The following SFPQ variants were observed in gnomAD, a reference collection of about 807,000 sequenced individuals.
SFPQ encodes the protein splicing factor proline and glutamine rich, also known as splicing factor, proline- and glutamine-rich.
Under a neutral mutation model 72.9 loss-of-function variants are expected in SFPQ, and 11 were observed. The observed-to-expected ratio is 0.15, with a 90% CI of 0.09 to 0.25. SFPQ has a LOEUF of 0.25. Ranked by LOEUF, SFPQ falls within the 10% of genes least tolerant of loss-of-function variation. The probability of loss-of-function intolerance (pLI) is 1.00; values close to 1 mark genes in which losing one functional copy is unlikely to be tolerated. For synonymous variants in SFPQ, 506 were observed against 367.3 expected (o/e 1.38, Z -4.32); for missense variants, 847 against 993.3 (o/e 0.85, Z 1.98).
At chr1:35,186,490 G>A (rs909057009) in intron 9 of SFPQ, among the ~76,000 whole-genome samples, 1 of 152,140 alleles carries the variant, frequency 6.6e-6, no homozygotes, top group Non-Finnish European at 1.5e-5. Context: ...GGGAAACGAC[G>A]AGTCAAAACA....
At position 35,189,381 on chromosome 1, in the gene SFPQ, C is replaced by G; in HGVS notation, c.1417G>C (p.Glu473Gln). 6.2e-7 allele frequency: 1 copy of G among 1,611,574 alleles called. No homozygotes were observed. Among genetic ancestry groups the G allele is most frequent in the South Asian group, 1.1e-5 (1 of 90,888 alleles). ...LAQKNPMYQK[E>Q]RETPPRFAQH... The stretch of plus-strand genomic sequence containing the variant: ...GCAAAACGAGGAGGGGTTTCTCTCT[C>G]CCTAACAATACACAAAATTTTAACA... Residue 473 changes from glutamate (E) to glutamine (Q), a missense_variant and splice_region_variant, in exon 5 of 10, where the codon GAG becomes CAG. Around this residue, in one of 6 missense-constraint regions of SFPQ, gnomAD observed 132 missense variants for 255.4 expected, o/e 0.52. Transcript: ENST00000357214.
chr1:35,191,693 A>T (rs187996966), intron 1 of SFPQ, among the ~76,000 whole-genome samples, 164 bp from the exon 2 acceptor site: 64 of 152,352 alleles, frequency 4.2e-4, no homozygotes, highest in African/African-American at 1.5e-3. Context: ...CTATCTTAAC[A>T]TTGAAAAAGG....
chr1:35,192,670 G>C lies in SFPQ; in HGVS notation c.380C>G (p.Ala127Gly). 2 of 1,404,642 alleles carry C rather than the reference G, an allele frequency of 1.4e-6. No homozygotes were observed. Among genetic ancestry groups the C allele is most frequent in the Non-Finnish European group, 1.8e-6 (2 of 1,087,966 alleles). The allele number at this position is 1,404,642 out of a possible 1,614,324, so 87.0% of individuals were successfully genotyped here. A position where few individuals can be genotyped will look rare whatever the true frequency, so the allele number is the denominator to read the frequency against. The change falls in exon 1 of 10, where the codon GCC becomes GGC. Residue 127 changes from alanine to glycine, a missense_variant. Physicochemically the swap from Ala to Gly is moderately conservative, Grantham distance 60. Coordinates refer to ENST00000357214, the MANE Select transcript of SFPQ (RefSeq NM_005066.3). ...PAPGVGSAPP[A>G]SSSAPPATPP... Reference sequence around the variant, plus strand: ...AGTGGCGGGCGGGGCCGAGCTGGAGGCTGGTGGTGCGCTGCCTACTCCGGG... The same window carrying C: ...AGTGGCGGGCGGGGCCGAGCTGGAGCCTGGTGGTGCGCTGCCTACTCCGGG...
downstream of SFPQ, chr1:35,179,888 C>T: frequency 1.9e-6 from 2 of 1,054,820 alleles, no homozygotes; most frequent in African/African-American, 3.3e-5. Context: ...ACACAGGAAA[C>T]CCCATCAGGG....
chr1:35,188,362 C>T (rs1639829087), intron 6 of SFPQ, among the ~76,000 whole-genome samples: 1 of 152,202 alleles, frequency 6.6e-6, no homozygotes, highest in South Asian at 2.1e-4. Context: ...AAACTAAGTA[C>T]ATCTTTTCCC....
chr1:35,188,113 TAACTG>T, intron 6 of SFPQ, 23 bp from the exon 7 acceptor site: 4 of 1,507,336 alleles, frequency 2.7e-6, no homozygotes, highest in Non-Finnish European at 3.7e-6. Flanking sequence ...ATCAGGTACA[TAACTG>T]AAGTGTTATC....
rs71638655 is a variant in SFPQ, at chr1:35,183,104, TAGAAG to T, written c.*1347_*1351del. The T allele has an allele frequency of 0.018, 18,473 of 1,030,756 alleles. 1,591 individuals carry two copies. In the African/African-American group the frequency reaches 0.23, roughly 13 times the overall value. The allele number at this position is 1,030,756 out of a possible 1,614,324, so 63.9% of individuals were successfully genotyped here. ...TTTGTTAACAATCACCACTAGCTCT[TAGAAG>T]AGAACCAATAGATTTTTATAGTCCT... is the stretch of plus-strand genomic sequence containing the variant. On this transcript the variant is annotated 3_prime_UTR_variant, in exon 10 of 10. Coordinates refer to ENST00000357214, the MANE Select transcript of SFPQ (RefSeq NM_005066.3).
At chr1:35,182,401 G>T (rs987569643), downstream of SFPQ, 1 of 985,132 alleles carries the variant, frequency 1.0e-6, no homozygotes, top group Non-Finnish European at 1.2e-6. Context: ...TCATATTTCC[G>T]AGTGTGCTGG....
At chr1:35,186,975 G>C (rs755782425) in intron 9 of SFPQ, 26 bp downstream of exon 9, 16 of 1,596,476 alleles carry the variant, frequency 1.0e-5, no homozygotes, top group Non-Finnish European at 1.4e-5. Flanking sequence ...AATTTCCTTG[G>C]TACTACGTCC....
At chr1:35,179,355 G>T, downstream of SFPQ, 1 of 1,057,746 alleles carries the variant, frequency 9.5e-7, no homozygotes, top group Non-Finnish European at 1.1e-6. Context: ...AACCTTGCAT[G>T]AAGAGCACCC....
chr1:35,192,390 G>A lies in SFPQ; in HGVS notation c.660C>T (p.Gly220=), dbSNP rs1248273542. ...CGCCAGGCGTACTTAGGCCCGGGCC[G>A]CCACCTGGCTTCGGCCCGCCAGGCA... ...GKMPGGPKPG[G]GPGLSTPGGH... is the part of the protein sequence containing the mutation. Residue 220 remains glycine (G), a synonymous_variant, in exon 1 of 10, where the codon GGC becomes GGT. Transcript: ENST00000357214. 2.8e-6 allele frequency: 4 copies of A among 1,411,282 alleles called. No homozygotes were observed. Among genetic ancestry groups the A allele is most frequent in the Middle Eastern group, 2.5e-4 (1 of 3,964 alleles). 87.4% of individuals were successfully genotyped at this position (1,411,282 alleles called of 1,614,324 possible).
At position 35,182,959 on chromosome 1, in the gene SFPQ, GAGGA is replaced by G. The variant is rs1478269244; in HGVS notation, c.*1493_*1496del. 4.8e-6 allele frequency: 5 copies of G among 1,043,094 alleles called. No homozygotes were observed. The highest frequency in any genetic ancestry group is 5.8e-6 in the Non-Finnish European group (5 of 865,480). 64.6% of individuals were successfully genotyped at this position (1,043,094 alleles called of 1,614,324 possible). On this transcript the variant is annotated 3_prime_UTR_variant, in exon 10 of 10. Transcript: ENST00000357214. ...GAAACATTCCAAGCCTTTATGGTGG[GAGGA>G]AGGGATATTTGTACTGTGTAGCATG...
chr1:35,176,589 G>C (rs1639246647), intron 5 of SFPQ: 2 of 152,122 alleles, frequency 1.3e-5, no homozygotes, highest in African/African-American at 2.4e-5. Flanking sequence ...TTATTAATCG[G>C]CCTGGCGCAG....
At chr1:35,182,930 C>A, downstream of SFPQ, 1 of 1,044,830 alleles carries the variant, frequency 9.6e-7, no homozygotes, top group Admixed American at 5.6e-5. Context: ...CTGACAACAC[C>A]ATGGAAACAT....
chr1:35,180,775 T>C (rs1270435071), downstream of SFPQ: 1 of 1,062,020 alleles, frequency 9.4e-7, no homozygotes, highest in East Asian at 5.1e-5. Context: ...ATACGGTCCA[T>C]GTCAAGGTGC....
chr1:35,181,404 C>G, downstream of SFPQ: 1 of 1,064,052 alleles, frequency 9.4e-7, no homozygotes, highest in Non-Finnish European at 1.1e-6. Flanking sequence ...TTAAAAATTG[C>G]ACAGGCGTAA....
chr1:35,192,549 G>T lies in SFPQ; in HGVS notation c.501C>A (p.Pro167=). The T allele has an allele frequency of 3.8e-6, 5 of 1,327,628 alleles. No individual in the cohort carries two copies. The highest frequency in any genetic ancestry group is 4.8e-6 in the Non-Finnish European group (5 of 1,044,924). The allele number at this position is 1,327,628 out of a possible 1,614,324, so 82.2% of individuals were successfully genotyped here. Residue 167 remains proline, a synonymous_variant, in exon 1 of 10, where the codon CCC becomes CCA. Transcript: ENST00000357214. The part of the protein sequence containing the change: ...VTSAPPGAPP[P]TPPSSGVPTT... The stretch of plus-strand genomic sequence containing the variant: ...TAGGGACCCCGCTGCTTGGCGGGGT[G>T]GGTGGCGGCGCCCCGGGAGGGGCCG...
At chr1:35,181,738 T>C (rs2148607719), downstream of SFPQ, 5 of 1,060,968 alleles carry the variant, frequency 4.7e-6, no homozygotes, top group Non-Finnish European at 5.7e-6. Flanking sequence ...ACTTCAAAAA[T>C]TGCTACCTCC....
downstream of SFPQ, chr1:35,181,676 G>A (rs1221388533): frequency 3.8e-6 from 4 of 1,060,624 alleles, no homozygotes; most frequent in Non-Finnish European, 4.6e-6. Flanking sequence ...AGAAAGTGGA[G>A]AAGAGGAAAT....
Sources: allele counts gnomAD v4.1 joint callset (sites outside exome capture counted in the v4.1 genomes callset), GRCh38; gene constraint gnomAD v4.1.1; regional missense constraint gnomAD v4.1.1; transcripts MANE v1.5; gene names NCBI Gene and HGNC (gene_info 2026-07-23, HGNC 2026-07-21).